The following RNF220 variants were observed in gnomAD, a reference collection of about 807,000 sequenced individuals.
RNF220 encodes E3 ubiquitin-protein ligase RNF220.
RNF220 carries 7 observed loss-of-function variants against 67.1 expected under a neutral mutation model. That is an observed-to-expected ratio of 0.10 (90% CI 0.06 to 0.20). The LOEUF is 0.20. RNF220 is among the 10% of genes least tolerant of loss of function. The probability of loss-of-function intolerance (pLI) is 1.00; values close to 1 mark genes in which losing one functional copy is unlikely to be tolerated. For synonymous variants in RNF220, 270 were observed against 283.2 expected, an observed-to-expected ratio of 0.95 and a Z score of 0.47; for missense variants, 565 against 740.3, an observed-to-expected ratio of 0.76 and a Z score of 2.75.
chr1:44,424,045 C>T (rs1361602145), intron 2 of RNF220: 5 of 983,716 alleles, frequency 5.1e-6, no homozygotes, highest in African/African-American at 1.7e-5. Flanking sequence ...ATTTCCTGAG[C>T]TCCTGTGTGT....
intron 2 of RNF220, among the ~76,000 whole-genome samples, chr1:44,437,481 G>T (rs185098442): frequency 8.5e-5 from 13 of 152,092 alleles, no homozygotes; most frequent in Admixed American, 7.9e-4. Flanking sequence ...ACCCCACCCC[G>T]CATAACTTAC....
At chr1:44,551,326 G>A (rs1662612593) in intron 2 of RNF220, among the ~76,000 whole-genome samples, 1 of 151,812 alleles carries the variant, frequency 6.6e-6, no homozygotes, top group African/African-American at 2.4e-5. Context: ...TGTTGGCCAG[G>A]CTGGTCTCGA....
intron 2 of RNF220, among the ~76,000 whole-genome samples, chr1:44,527,046 A>G (rs1423798870): frequency 6.6e-6 from 1 of 151,618 alleles, no homozygotes; most frequent in South Asian, 2.1e-4. Flanking sequence ...TTACTTACGC[A>G]TCTTCCCGGG....
intron 2 of RNF220, among the ~76,000 whole-genome samples, chr1:44,602,997 G>T (rs1037697719): frequency 1.3e-5 from 2 of 151,810 alleles, no homozygotes; most frequent in Non-Finnish European, 1.5e-5. Flanking sequence ...TCCTCCTCGG[G>T]CCGCCACCCT....
chr1:44,570,871 C>T (rs553944026), intron 2 of RNF220, among the ~76,000 whole-genome samples: 68 of 152,198 alleles, frequency 4.5e-4, no homozygotes, highest in African/African-American at 1.6e-3. Flanking sequence ...GCCAGGAGTT[C>T]GAGACCAGCC....
At chr1:44,647,457 T>C (rs56302544) in intron 12 of RNF220, among the ~76,000 whole-genome samples, 1 of 152,206 alleles carries the variant, frequency 6.6e-6, no homozygotes, top group Non-Finnish European at 1.5e-5. Flanking sequence ...TGGTAAAGGC[T>C]TCCAGAGCCA....
At chr1:44,524,801 C>T (rs992890300) in intron 2 of RNF220, among the ~76,000 whole-genome samples, 5 of 152,092 alleles carry the variant, frequency 3.3e-5, no homozygotes, top group East Asian at 1.9e-4. Context: ...ATATTATGGG[C>T]GCAAATTTGG....
chr1:44,482,552 G>A (rs1297595530), intron 2 of RNF220, among the ~76,000 whole-genome samples: 1 of 152,176 alleles, frequency 6.6e-6, no homozygotes, highest in East Asian at 1.9e-4. Flanking sequence ...GTTGTCATGA[G>A]GCATTTGAGT....
At chr1:44,635,688 A>C (rs1319544358) in intron 7 of RNF220, 100 bp downstream of exon 7, 1 of 1,588,840 alleles carries the variant, frequency 6.3e-7, no homozygotes, top group South Asian at 1.1e-5. Context: ...ATCACCACCC[A>C]CCTTCCTTCC....
intron 12 of RNF220, among the ~76,000 whole-genome samples, chr1:44,646,547 C>T (rs1302313403): frequency 6.6e-6 from 1 of 152,252 alleles, no homozygotes; most frequent in Non-Finnish European, 1.5e-5. Context: ...TTCTCTCCTA[C>T]TCCAGCTGAG....
chr1:44,466,630 C>T (rs1239949271), intron 2 of RNF220, among the ~76,000 whole-genome samples: 2 of 152,170 alleles, frequency 1.3e-5, no homozygotes, highest in South Asian at 2.1e-4. Flanking sequence ...GTTGTGTTAG[C>T]GGGCATGAAA....
chr1:44,580,598 CAA>C (rs1011122392), intron 2 of RNF220, among the ~76,000 whole-genome samples: 19 of 152,228 alleles, frequency 1.2e-4, no homozygotes, highest in African/African-American at 4.6e-4. Flanking sequence ...CCCAGAGCAG[CAA>C]AGCCGCCTGA....
chr1:44,457,805 A>G (rs1653349817), intron 2 of RNF220, among the ~76,000 whole-genome samples: 1 of 152,222 alleles, frequency 6.6e-6, no homozygotes, highest in Admixed American at 6.5e-5. Flanking sequence ...TATACTACAT[A>G]TATACTTTCA....
chr1:44,445,932 A>G (rs1308556923), intron 2 of RNF220, among the ~76,000 whole-genome samples: 1 of 152,238 alleles, frequency 6.6e-6, no homozygotes, highest in African/African-American at 2.4e-5. Context: ...GCAGGATATG[A>G]TAAATAGTAG....
intron 2 of RNF220, among the ~76,000 whole-genome samples, chr1:44,486,089 A>G (rs1656273939): frequency 6.6e-6 from 1 of 151,748 alleles, no homozygotes; most frequent in African/African-American, 2.4e-5. Flanking sequence ...TCTCCCTATT[A>G]TTCAGCAACT....
intron 2 of RNF220, among the ~76,000 whole-genome samples, chr1:44,567,522 C>T (rs1402040047): frequency 6.6e-6 from 1 of 151,952 alleles, no homozygotes; most frequent in African/African-American, 2.4e-5. Context: ...AGGTCATCAA[C>T]AGCATTTCTC....
Position 44,645,253 on chromosome 1 carries a change from A to C in RNF220, c.1343A>C (p.Glu448Ala), listed in dbSNP as rs1644606127. The C allele has an allele frequency of 1.2e-6, 2 of 1,613,824 alleles. No individual in the cohort carries two copies. The highest frequency in any genetic ancestry group is 1.7e-6 in the Non-Finnish European group (2 of 1,179,948). Residue 448 changes from glutamate (E) to alanine (A), a missense_variant, in exon 11 of 15, where the codon GAG becomes GCG. Physicochemically the swap from Glu to Ala is moderately radical, Grantham distance 107. Coordinates refer to ENST00000361799, the MANE Select transcript of RNF220 (RefSeq NM_018150.4). This position sits in a 1 kb window ranked among gnomAD's most constrained non-coding sequence, Gnocchi z 5.0. The stretch of plus-strand genomic sequence containing the variant: ...CCTCCCAGCACGCGCATCACACCTG[A>C]GTTCTCTAAATGGGCCAGTGATGGT... ...GGPPSTRITPEFSKWASDEMP... is the reference protein window; with the variant it reads ...GGPPSTRITPAFSKWASDEMP...
intron 8 of RNF220, among the ~76,000 whole-genome samples, chr1:44,637,812 C>T (rs778441633): frequency 3.3e-5 from 5 of 152,146 alleles, no homozygotes; most frequent in South Asian, 2.1e-4. Flanking sequence ...TTTCTTTGAG[C>T]GATTTGGAGA....
At chr1:44,471,195 G>A (rs2147991776) in intron 2 of RNF220, among the ~76,000 whole-genome samples, 1 of 152,310 alleles carries the variant, frequency 6.6e-6, no homozygotes, top group East Asian at 1.9e-4. Context: ...GGAGTCCGAG[G>A]CTGGTGGATC....
Sources: allele counts gnomAD v4.1 joint callset (sites outside exome capture counted in the v4.1 genomes callset), GRCh38; gene constraint gnomAD v4.1.1; non-coding constraint Gnocchi (gnomAD v3.1); transcripts MANE v1.5; gene names NCBI Gene and HGNC (gene_info 2026-07-23, HGNC 2026-07-21).